Variants in SCHIP1 observed in about 807,000 individuals in gnomAD.
The protein encoded by SCHIP1 is schwannomin-interacting protein 1.
In SCHIP1, 8 loss-of-function variants were observed where a neutral mutation model predicts 29.7. That is an observed-to-expected ratio of 0.27 (90% CI 0.16 to 0.49). SCHIP1 has a LOEUF of 0.49. Among genes scored for constraint, SCHIP1 ranks in the 20% least tolerant of loss-of-function variants. The probability of loss-of-function intolerance (pLI) is 0.99; values close to 1 mark genes in which losing one functional copy is unlikely to be tolerated. For synonymous variants in SCHIP1, 76 were observed against 94.9 expected (o/e 0.80, Z 1.16); for missense variants, 193 against 294.6 (o/e 0.66, Z 2.52).
chr3:159,749,766 T>C, the SCHIP1 span, among the ~76,000 whole-genome samples: 20 of 152,196 alleles, frequency 1.3e-4, no homozygotes, highest in African/African-American at 4.8e-4. Flanking sequence ...AAAAGATAAA[T>C]TGAACACATA....
the SCHIP1 span, among the ~76,000 whole-genome samples, chr3:159,576,803 A>C: frequency 2.0e-5 from 3 of 152,154 alleles, no homozygotes; most frequent in Non-Finnish European, 2.9e-5. Context: ...ATCTGTTGAA[A>C]CACACACTTA....
chr3:159,448,304 C>T, the SCHIP1 span, among the ~76,000 whole-genome samples: 1 of 152,042 alleles, frequency 6.6e-6, no homozygotes, highest in African/African-American at 2.4e-5. Context: ...AACCCTGTCT[C>T]TACTAAAAAT....
the SCHIP1 span, among the ~76,000 whole-genome samples, chr3:159,708,872 C>A: frequency 6.6e-6 from 1 of 152,196 alleles, no homozygotes; most frequent in Non-Finnish European, 1.5e-5. Flanking sequence ...CTAATCATGA[C>A]AAGGAATTGG....
chr3:159,342,697 A>C, the SCHIP1 span, among the ~76,000 whole-genome samples: 1 of 152,220 alleles, frequency 6.6e-6, no homozygotes, highest in Non-Finnish European at 1.5e-5. Context: ...ATTTAGCAGA[A>C]TTATTTGCAA....
chr3:159,530,555 T>C, the SCHIP1 span, among the ~76,000 whole-genome samples: 3 of 152,192 alleles, frequency 2.0e-5, no homozygotes, highest in African/African-American at 7.2e-5. Context: ...TCCATCTCCT[T>C]TGCTCATTCA....
the SCHIP1 span, among the ~76,000 whole-genome samples, chr3:159,427,404 T>C: frequency 1.3e-5 from 2 of 150,370 alleles, no homozygotes; most frequent in Admixed American, 6.6e-5. Flanking sequence ...TATACACCAA[T>C]AACAGACAGA....
chr3:159,355,633 T>C, the SCHIP1 span, among the ~76,000 whole-genome samples: 1 of 151,840 alleles, frequency 6.6e-6, no homozygotes, highest in African/African-American at 2.4e-5. Context: ...GGAGAAAGAG[T>C]TTCTTCCCTT....
At chr3:159,620,854 C>A in the SCHIP1 span, among the ~76,000 whole-genome samples, 2 of 152,136 alleles carry the variant, frequency 1.3e-5, no homozygotes, top group Non-Finnish European at 2.9e-5. Context: ...TAGCTTCAGG[C>A]TTTTTTTAAA....
chr3:159,595,359 G>A, the SCHIP1 span, among the ~76,000 whole-genome samples: 1 of 152,094 alleles, frequency 6.6e-6, no homozygotes, highest in Non-Finnish European at 1.5e-5. Flanking sequence ...GGTGAAGGAG[G>A]AGAACCAGCA....
At chr3:159,846,292 A>G (rs1202212525) in intron 1 of SCHIP1, among the ~76,000 whole-genome samples, 1 of 152,236 alleles carries the variant, frequency 6.6e-6, no homozygotes, top group Non-Finnish European at 1.5e-5. Flanking sequence ...AGCACATAAA[A>G]TAAAAGACAC....
the SCHIP1 span, among the ~76,000 whole-genome samples, chr3:159,702,473 C>T: frequency 6.6e-6 from 1 of 152,196 alleles, no homozygotes; most frequent in African/African-American, 2.4e-5. Flanking sequence ...AATGCCTGTT[C>T]CTTTCACTTT....
chr3:159,449,624 C>T, the SCHIP1 span, among the ~76,000 whole-genome samples: 1 of 152,062 alleles, frequency 6.6e-6, no homozygotes, highest in Non-Finnish European at 1.5e-5. Context: ...ATAATAAACA[C>T]AGGGATACTG....
the SCHIP1 span, among the ~76,000 whole-genome samples, chr3:159,665,069 TAC>T: frequency 6.6e-6 from 1 of 152,184 alleles, no homozygotes; most frequent in Admixed American, 6.5e-5. Flanking sequence ...GGACTTTGAA[TAC>T]AGACATCTGA....
chr3:159,365,902 T>C, the SCHIP1 span, among the ~76,000 whole-genome samples: 2 of 152,344 alleles, frequency 1.3e-5, no homozygotes, highest in Admixed American at 6.5e-5. Flanking sequence ...CTGATCCTTT[T>C]GGCAGGCTTT....
chr3:159,788,508 C>T, the SCHIP1 span, among the ~76,000 whole-genome samples: 1,613 of 152,256 alleles, frequency 0.011, 27 homozygotes, highest in African/African-American at 0.037. Flanking sequence ...GGTTCATCTA[C>T]ACACTCTAGA....
chr3:159,507,027 G>T, the SCHIP1 span, among the ~76,000 whole-genome samples: 1 of 152,154 alleles, frequency 6.6e-6, no homozygotes, highest in Non-Finnish European at 1.5e-5. Context: ...GCTTGATGAG[G>T]ATGGCATTGA....
the SCHIP1 span, among the ~76,000 whole-genome samples, chr3:159,427,917 C>T: frequency 1.3e-5 from 2 of 151,324 alleles, no homozygotes; most frequent in African/African-American, 4.8e-5. Context: ...TGATCTTTGA[C>T]AAACCTGAGA....
chr3:159,558,793 G>T, the SCHIP1 span, among the ~76,000 whole-genome samples: 2 of 152,220 alleles, frequency 1.3e-5, no homozygotes, highest in South Asian at 4.2e-4. Flanking sequence ...TTGGTTATTA[G>T]GTCATTCAGT....
the SCHIP1 span, among the ~76,000 whole-genome samples, chr3:159,613,407 T>C: frequency 6.6e-6 from 1 of 152,164 alleles, no homozygotes; most frequent in Non-Finnish European, 1.5e-5. Flanking sequence ...CAATGTAAAA[T>C]TGAGTCAAGT....
Sources: gnomAD v4.1 joint callset for allele counts (sites outside exome capture counted in the v4.1 genomes callset) on GRCh38, gnomAD v4.1.1 for gene constraint, MANE v1.5 for transcripts, NCBI Gene and HGNC (gene_info 2026-07-23, HGNC 2026-07-21) for gene names.